GRIK5: variants seen among roughly 807,000 people sequenced by gnomAD.
The protein encoded by GRIK5 is glutamate receptor ionotropic, kainate 5.
A neutral mutation model predicts 97.4 loss-of-function variants in GRIK5; 43 were observed. The observed-to-expected ratio is 0.44, with a 90% CI of 0.35 to 0.57. The LOEUF (loss-of-function observed/expected upper bound fraction) is 0.57. GRIK5 is among the 20% of genes least tolerant of loss of function. The pLI is 0.01. For synonymous variants in GRIK5, 580 were observed against 583.5 expected (o/e 0.99, Z 0.09); for missense variants, 1,015 against 1,382.0 (o/e 0.73, Z 4.21).
chr19:42,067,278 C>T (rs534025171), intron 1 of GRIK5, among the ~76,000 whole-genome samples: 1 of 152,344 alleles, frequency 6.6e-6, no homozygotes, highest in South Asian at 2.1e-4. Flanking sequence ...ACAAGTCCTT[C>T]TCACCATCTC....
intron 12 of GRIK5, among the ~76,000 whole-genome samples, chr19:42,033,936 G>T (rs1335909270): frequency 6.6e-6 from 1 of 152,154 alleles, no homozygotes; most frequent in East Asian, 1.9e-4. Context: ...GGAGGTGGAG[G>T]TCGCAGTGAG....
rs146585971 is a variant in GRIK5 at position 42,054,322 on chromosome 19, T to C, written c.1054A>G (p.Met352Val). The change falls in exon 9 of 20, where the codon ATG becomes GTG. Residue 352 changes from methionine (M) to valine (V), a missense_variant and splice_region_variant. Around this residue, in one of 5 missense-constraint regions of GRIK5, gnomAD observed 477 missense variants for 701.1 expected, o/e 0.68. Transcript: ENST00000593562. ...HGTSLMNYLRMVEYDGLTGRV... is the reference protein window; with the variant it reads ...HGTSLMNYLRVVEYDGLTGRV... The stretch of plus-strand genomic sequence containing the variant: ...CACCCATCCCCGCTCGGGCTCACCA[T>C]GCGCAGGTAGTTCATGAGGCTGGTC... 2.0e-3 allele frequency: 3,228 copies of C among 1,608,724 alleles called. 7 individuals are homozygous for C. Among genetic ancestry groups the C allele is most frequent in the Non-Finnish European group, 2.5e-3 (2,992 of 1,176,900 alleles).
At chr19:42,036,837 G>A (rs1265573237) in intron 12 of GRIK5, among the ~76,000 whole-genome samples, 4 of 152,208 alleles carry the variant, frequency 2.6e-5, no homozygotes, top group Non-Finnish European at 5.9e-5. Flanking sequence ...GAGGCCACAG[G>A]TGAGGTGGGT....
At chr19:42,056,875 C>T in intron 7 of GRIK5, 50 bp downstream of exon 7, 3 of 1,612,152 alleles carry the variant, frequency 1.9e-6, no homozygotes, top group South Asian at 1.1e-5. Context: ...AATGGGACAG[C>T]TGTGATGGGA....
chr19:42,068,716 C>T (rs576133712), intron 1 of GRIK5: 22 of 490,524 alleles, frequency 4.5e-5, no homozygotes, highest in South Asian at 2.2e-4. Context: ...AGAGACATGC[C>T]GAGAGCAACC....
At position 42,021,314 on chromosome 19, in the gene GRIK5, C is replaced by A. The variant is rs2146048375; in HGVS notation, c.1858G>T (p.Val620Phe). The A allele has an allele frequency of 6.2e-7, 1 of 1,612,582 alleles. No homozygotes were observed. The highest frequency in any genetic ancestry group is 8.5e-7 in the Non-Finnish European group (1 of 1,179,802). Residue 620 changes from valine (V) to phenylalanine (F), a missense_variant, in exon 15 of 20, where the codon GTC becomes TTC. Coordinates refer to ENST00000593562, the MANE Select transcript of GRIK5 (RefSeq NM_002088.5). This position sits in a 1 kb window ranked among gnomAD's most constrained non-coding sequence, Gnocchi z 4.2. Reference sequence around the variant, plus strand: ...AAAGCTTCTCACCAGACTCCGCTGACACAGCGCGTGGACAGCGCCCGGGGC... The same window carrying A: ...AAAGCTTCTCACCAGACTCCGCTGAAACAGCGCGTGGACAGCGCCCGGGGC... ...IMPRALSTRC[V>F]SGVWWAFTLI... is the part of the protein sequence containing the mutation.
intron 10 of GRIK5, 33 bp downstream of exon 10, chr19:42,053,792 G>C (rs906569335): frequency 3.8e-6 from 6 of 1,559,290 alleles, no homozygotes; most frequent in Non-Finnish European, 5.3e-6. Flanking sequence ...CCTCACCCCA[G>C]CAGGGCTCTG....
chr19:42,016,282 G>A (rs1001310184), intron 15 of GRIK5, among the ~76,000 whole-genome samples: 18 of 152,170 alleles, frequency 1.2e-4, no homozygotes, highest in African/African-American at 1.9e-4. Context: ...TTAGCCAGAC[G>A]TGGTGGCTGG....
At chr19:42,015,644 G>A (rs2075615261) in intron 15 of GRIK5, among the ~76,000 whole-genome samples, 2 of 152,124 alleles carry the variant, frequency 1.3e-5, no homozygotes, top group African/African-American at 2.4e-5. Context: ...GAGTTCATCC[G>A]GCACACAGCA....
chr19:42,021,831 C>T lies in GRIK5; in HGVS notation c.1697+116G>A, dbSNP rs747363341. On this transcript the variant is annotated intron_variant, in intron 14 of 19. Coordinates refer to ENST00000593562, the MANE Select transcript of GRIK5 (RefSeq NM_002088.5). The surrounding 1 kb of genome is among the most constrained non-coding windows in gnomAD (Gnocchi z 4.2). ...CTGAGAAAGGAGGGCACAGGGAATC[C>T]GAGGCCCCAAAGGGGAGGCCAAGGA... 1.5e-5 allele frequency: 10 copies of T among 660,536 alleles called. No individual in the cohort carries two copies. Among genetic ancestry groups the T allele is most frequent in the Admixed American group, 8.2e-5 (3 of 36,404 alleles). The allele number at this position is 660,536 out of a possible 1,614,324, so 40.9% of individuals were successfully genotyped here.
chr19:42,003,384 A>G lies in GRIK5; in HGVS notation c.2462T>C (p.Val821Ala), dbSNP rs202057964. 1.9e-6 allele frequency: 3 copies of G among 1,612,972 alleles called. No individual in the cohort carries two copies. The highest frequency in any genetic ancestry group is 1.7e-6 in the Non-Finnish European group (2 of 1,179,614). Residue 821 changes from valine to alanine, a missense_variant, in exon 19 of 20, where the codon GTG becomes GCG. Physicochemically the swap from Val to Ala is moderately conservative, Grantham distance 64 (BLOSUM62 0). Transcript: ENST00000593562. This position sits in a 1 kb window ranked among gnomAD's most constrained non-coding sequence, Gnocchi z 4.2. ...GGACCATATGAATTCCATGACCGCC[A>G]CGAAGACAGCAATGATGAGGCCACA... ...LICGLIIAVFVAVMEFIWSTR... is the reference protein window; with the variant it reads ...LICGLIIAVFAAVMEFIWSTR...
Position 42,060,982 on chromosome 19 carries a change from G to A in GRIK5, c.509-1455C>T, listed in dbSNP as rs543500109. ...AATGTACTTGGACTACTTCACCCAC[G>A]GCTGACCCCAATACCAAGATCAGAG... On this transcript the variant is annotated intron_variant, in intron 5 of 19. Transcript: ENST00000593562. Among the ~76,000 whole-genome samples the A allele has an allele frequency of 3.3e-5, 5 of 152,212 alleles. No individual in the cohort carries two copies. The South Asian group carries it at 6.2e-4, about 19-fold the overall frequency.
In GRIK5 at chr19:41,999,339, G is replaced by A. The variant is rs1555870433; in HGVS notation, c.2515-40C>T. 4.2e-6 allele frequency: 6 copies of A among 1,422,342 alleles called. No homozygotes were observed. The highest frequency in any genetic ancestry group is 5.6e-6 in the Non-Finnish European group (6 of 1,072,088). The allele number at this position is 1,422,342 out of a possible 1,614,324, so 88.1% of individuals were successfully genotyped here. On this transcript the variant is annotated intron_variant, in intron 19 of 19. Coordinates refer to ENST00000593562, the MANE Select transcript of GRIK5 (RefSeq NM_002088.5). This position sits in a 1 kb window ranked among gnomAD's most constrained non-coding sequence, Gnocchi z 5.0. ...GGCGGTCACCGTCCCGGCGCAGTCC[G>A]CCTCCCGCCTCCCCCAGCCCCTCTC...
rs1043188870 is a variant in GRIK5, at chr19:41,999,397, C to T, written c.2515-98G>A. On this transcript the variant is annotated intron_variant, in intron 19 of 19. Transcript: ENST00000593562. The surrounding 1 kb of genome is among the most constrained non-coding windows in gnomAD (Gnocchi z 5.0). ...CACTCCTCCTCCTCCTTTCCTCGCCCGGGTCTTTCTTCCTTCTGCCCTCGC... is the reference window on the plus strand; with the variant it reads ...CACTCCTCCTCCTCCTTTCCTCGCCTGGGTCTTTCTTCCTTCTGCCCTCGC... The T allele has an allele frequency of 2.1e-6, 2 of 934,882 alleles. No individual in the cohort carries two copies. Among genetic ancestry groups the T allele is most frequent in the Admixed American group, 3.2e-5 (1 of 30,916 alleles). 57.9% of individuals were successfully genotyped at this position (934,882 alleles called of 1,614,324 possible).
chr19:42,005,672 G>T, intron 17 of GRIK5, 51 bp downstream of exon 17: 2 of 1,320,286 alleles, frequency 1.5e-6, no homozygotes, highest in Non-Finnish European at 2.2e-6. Flanking sequence ...GCTCACAGGT[G>T]GTTTTGGATG....
chr19:42,021,398 G>A lies in GRIK5; in HGVS notation c.1774C>T (p.Leu592=), dbSNP rs1371332460. 1 of 1,612,812 alleles carries A rather than the reference G, an allele frequency of 6.2e-7. No individual in the cohort carries two copies. Among genetic ancestry groups the A allele is most frequent in the African/African-American group, 1.3e-5 (1 of 74,942 alleles). Residue 592 remains leucine (L), a synonymous_variant, in exon 15 of 20, where the codon CTG becomes TTG. Transcript: ENST00000593562. This position sits in a 1 kb window ranked among gnomAD's most constrained non-coding sequence, Gnocchi z 4.2. ...ACGGGAAACCACAGGCTGTTGCCCA[G>A]CGTGTACTGGTTCTCCAGGATGTGG... ...RPHILENQYT[L]GNSLWFPVGG...
At chr19:42,013,414 T>TG (rs1241704808) in intron 15 of GRIK5, among the ~76,000 whole-genome samples, 1 of 142,066 alleles carries the variant, frequency 7.0e-6, no homozygotes, top group Non-Finnish European at 1.5e-5. Flanking sequence ...TTTTCTTTTT[T>TG]TTTTTTTTTT....
chr19:42,050,907 C>T (rs1410626811), intron 11 of GRIK5, among the ~76,000 whole-genome samples: 2 of 152,068 alleles, frequency 1.3e-5, no homozygotes, highest in Non-Finnish European at 2.9e-5. Context: ...TGCTCTCACA[C>T]GTACCTTGGG....
In GRIK5 at chr19:42,021,903, G is replaced by A. The variant is rs374681709; in HGVS notation, c.1697+44C>T. The stretch of plus-strand genomic sequence containing the variant: ...AGGTCGGTCCCAGAGGCCTCGGCTC[G>A]TGCCTCCTCCAGCCCCTTCCTTCCC... On this transcript the variant is annotated intron_variant, in intron 14 of 19. Coordinates refer to ENST00000593562, the MANE Select transcript of GRIK5 (RefSeq NM_002088.5). The surrounding 1 kb of genome is among the most constrained non-coding windows in gnomAD (Gnocchi z 4.2). 70 of 1,362,492 alleles carry A rather than the reference G, an allele frequency of 5.1e-5. 1 individual carries two copies. The Admixed American group carries it at 6.0e-4, about 12-fold the overall frequency. 84.4% of individuals were successfully genotyped at this position (1,362,492 alleles called of 1,614,324 possible). A position where few individuals can be genotyped will look rare whatever the true frequency, so the allele number is the denominator to read the frequency against.
Sources: gnomAD v4.1 joint callset for allele counts (sites outside exome capture counted in the v4.1 genomes callset) on GRCh38, gnomAD v4.1.1 for gene constraint, gnomAD v4.1.1 regional missense constraint, Gnocchi (gnomAD v3.1) non-coding constraint, MANE v1.5 for transcripts, NCBI Gene and HGNC (gene_info 2026-07-23, HGNC 2026-07-21) for gene names.